NRXN2: variants seen among roughly 807,000 people sequenced by gnomAD.
NRXN2 encodes the protein neurexin 2.
In NRXN2, 29 loss-of-function variants were observed where a neutral mutation model predicts 128.8. The ratio of observed to expected loss-of-function variants is 0.23; its 90% CI spans 0.17 to 0.31. The LOEUF (loss-of-function observed/expected upper bound fraction) is 0.31. Ranked by LOEUF, NRXN2 falls within the 10% of genes least tolerant of loss-of-function variation. The pLI, the probability that NRXN2 is intolerant of heterozygous loss-of-function variation, is 1.00. For missense variants in NRXN2, 1,881 were observed against 2,452.6 expected, an observed-to-expected ratio of 0.77 and a Z score of 4.92; for synonymous variants, 1,098 against 1,075.2, an observed-to-expected ratio of 1.02 and a Z score of -0.41.
intron 7 of NRXN2, among the ~76,000 whole-genome samples, chr11:64,672,662 A>G (rs1035184404): frequency 7.2e-5 from 11 of 152,148 alleles, no homozygotes; most frequent in African/African-American, 2.7e-4. Context: ...AGTCTAGGGG[A>G]AAGGTCCTGG....
intron 11 of NRXN2, among the ~76,000 whole-genome samples, chr11:64,656,963 G>A (rs1287805649): frequency 1.3e-5 from 2 of 151,960 alleles, no homozygotes; most frequent in African/African-American, 2.4e-5. Flanking sequence ...AGCACTAAGC[G>A]ATCCCACCTA....
intron 17 of NRXN2, among the ~76,000 whole-genome samples, chr11:64,641,150 G>A (rs1389039255): frequency 6.6e-6 from 1 of 152,108 alleles, no homozygotes; most frequent in East Asian, 1.9e-4. Flanking sequence ...GACGGACATG[G>A]AAGGTGAAGA....
chr11:64,667,501 G>C lies in NRXN2; in HGVS notation c.1547C>G (p.Ser516Cys). ...GGTGGTGCGGAAGTCTAGGGAGATG[G>C]AGCCAGTGCGCTTAGCGCTCCAGCG... ...LPRWSAKRTG[S>C]ISLDFRTTEP... Residue 516 changes from serine to cysteine, a missense_variant, in exon 9 of 23, where the codon TCC becomes TGC. Ser to Cys is a moderately radical substitution (Grantham distance 112). Coordinates refer to ENST00000265459, the MANE Select transcript of NRXN2 (RefSeq NM_015080.4). This position sits in a 1 kb window ranked among gnomAD's most constrained non-coding sequence, Gnocchi z 5.6. 6.2e-7 allele frequency: 1 copy of C among 1,614,054 alleles called. No homozygotes were observed.
intron 5 of NRXN2, chr11:64,688,259 A>G: frequency 1.0e-6 from 1 of 984,064 alleles, no homozygotes; most frequent in South Asian, 4.7e-5. Context: ...GCTACTCTGG[A>G]GCCTGCGCCT....
chr11:64,702,498 T>C (rs1415515081), intron 2 of NRXN2, among the ~76,000 whole-genome samples: 1 of 151,914 alleles, frequency 6.6e-6, no homozygotes, highest in African/African-American at 2.4e-5. Flanking sequence ...TCGGTGACCT[T>C]ACCCCCAACC....
chr11:64,642,625 G>C (rs764036000), intron 17 of NRXN2: 17 of 1,609,526 alleles, frequency 1.1e-5, no homozygotes, highest in Non-Finnish European at 1.2e-5. Flanking sequence ...GACGTGGTGG[G>C]TGGTGCTGAG....
intron 2 of NRXN2, among the ~76,000 whole-genome samples, chr11:64,705,487 G>A (rs1041596318): frequency 1.3e-5 from 2 of 151,094 alleles, no homozygotes; most frequent in East Asian, 2.0e-4. Flanking sequence ...TGTTCCAATT[G>A]CTCCTTTGCT....
At chr11:64,613,854 C>A (rs1396327772) in intron 22 of NRXN2, among the ~76,000 whole-genome samples, 1 of 152,164 alleles carries the variant, frequency 6.6e-6, no homozygotes, top group African/African-American at 2.4e-5. Flanking sequence ...ATAAAACCCA[C>A]ATAATGCAGT....
chr11:64,643,849 G>C (rs2046219146), intron 17 of NRXN2, among the ~76,000 whole-genome samples: 2 of 152,014 alleles, frequency 1.3e-5, no homozygotes, highest in Non-Finnish European at 2.9e-5. Flanking sequence ...AGGCTAGCAA[G>C]AGAGGCCACT....
chr11:64,658,798 G>A (rs745593479), intron 11 of NRXN2, among the ~76,000 whole-genome samples: 3 of 151,972 alleles, frequency 2.0e-5, no homozygotes, highest in Non-Finnish European at 2.9e-5. Context: ...AGGCCGAGGC[G>A]GGTGGATCAC....
rs545068920 is a variant in NRXN2 at position 64,629,150 on chromosome 11, C to T, written c.3757+1252G>A. Reference sequence around the variant, plus strand: ...GCCTTTTGCCCCTGCCCCTCGCAGTCAGCATGGGGCAGCTTCTCTGCCTCA... The same window carrying T: ...GCCTTTTGCCCCTGCCCCTCGCAGTTAGCATGGGGCAGCTTCTCTGCCTCA... On this transcript the variant is annotated intron_variant, in intron 19 of 22. Transcript: ENST00000265459. 6.6e-5 allele frequency among the ~76,000 whole-genome samples: 10 copies of T among 152,328 alleles called. No homozygotes were observed. In the South Asian group the frequency reaches 2.1e-3, roughly 32 times the overall value.
chr11:64,666,493 C>A (rs186978108), intron 9 of NRXN2, among the ~76,000 whole-genome samples: 8 of 152,180 alleles, frequency 5.3e-5, no homozygotes, highest in Admixed American at 1.3e-4. Flanking sequence ...TGAGCCACAG[C>A]GCCCGGCCTA....
chr11:64,660,937 G>A lies in NRXN2; in HGVS notation c.2001C>T (p.Ser667=), dbSNP rs775777513. The change falls in exon 10 of 23, where the codon AGC becomes AGT. Residue 667 remains serine, a synonymous_variant. Transcript: ENST00000265459. This position sits in a 1 kb window ranked among gnomAD's most constrained non-coding sequence, Gnocchi z 5.2. ...CVRDLFIDGR[S]RDLRGLAEAQ... ...CCTCAGCCAGGCCCCGGAGGTCTCG[G>A]CTACGCCCATCTATGAAGAGGTCCC... The A allele has an allele frequency of 8.7e-6, 14 of 1,613,698 alleles. No homozygotes were observed. In the Admixed American group the frequency reaches 2.3e-4, roughly 27 times the overall value.
Position 64,607,083 on chromosome 11 carries a change from A to C in NRXN2, c.*113T>G. The C allele has an allele frequency of 8.7e-7, 1 of 1,149,868 alleles. No homozygotes were observed. The highest frequency in any genetic ancestry group is 1.2e-6 in the Non-Finnish European group (1 of 818,668). The allele number at this position is 1,149,868 out of a possible 1,614,324, so 71.2% of individuals were successfully genotyped here. ...TTTTGCGTTTCCTCTTCGTAAGAGA[A>C]GCCTGAGGCAGCCAGGGAGAGGGTC... On this transcript the variant is annotated 3_prime_UTR_variant, in exon 23 of 23. Coordinates refer to ENST00000265459, the MANE Select transcript of NRXN2 (RefSeq NM_015080.4).
rs570437842 is a variant in NRXN2 at position 64,676,730 on chromosome 11, G to A, written c.1197+263C>T. Reference sequence around the variant, plus strand: ...TCTGGCCAGGAATCTGAATTCAGGAGTTAGGGATTACAGCAGGGACAAGCC... The same window carrying A: ...TCTGGCCAGGAATCTGAATTCAGGAATTAGGGATTACAGCAGGGACAAGCC... On this transcript the variant is annotated intron_variant, in intron 7 of 22. Transcript: ENST00000265459. 66 of 568,502 alleles carry A rather than the reference G, an allele frequency of 1.2e-4. 2 individuals are homozygous for A. The South Asian group carries it at 1.4e-3, about 12-fold the overall frequency. The allele number at this position is 568,502 out of a possible 1,614,324, so 35.2% of individuals were successfully genotyped here.
chr11:64,689,181 G>A lies in NRXN2; in HGVS notation c.850+1224C>T, dbSNP rs148218826. On this transcript the variant is annotated intron_variant, in intron 5 of 22. Transcript: ENST00000265459. Reference sequence around the variant, plus strand: ...AGCATCCCACAAATAAACGACTCATGCCAGTTGGTAACTTTCTGCTAGTGT... The same window carrying A: ...AGCATCCCACAAATAAACGACTCATACCAGTTGGTAACTTTCTGCTAGTGT... 2.3e-3 allele frequency among the ~76,000 whole-genome samples: 354 copies of A among 152,064 alleles called. 2 individuals carry two copies. Among genetic ancestry groups the A allele is most frequent in the African/African-American group, 8.2e-3 (340 of 41,470 alleles).
At chr11:64,621,681 C>T (rs747167387) in intron 21 of NRXN2, among the ~76,000 whole-genome samples, 5 of 152,132 alleles carry the variant, frequency 3.3e-5, no homozygotes, top group Non-Finnish European at 5.9e-5. Flanking sequence ...TGCCCTCACC[C>T]TAGAAGGACA....
chr11:64,608,494 C>CTTT (rs58638827), intron 22 of NRXN2, among the ~76,000 whole-genome samples: 2 of 111,178 alleles, frequency 1.8e-5, no homozygotes, highest in East Asian at 4.9e-4. Flanking sequence ...TCTTTTTTTG[C>CTTT]TTTTTTTTTT....
chr11:64,622,957 C>T lies in NRXN2; in HGVS notation c.3969G>A (p.Leu1323=). ...GCACATTGGGGTCGCTCTCGGCGGC[C>T]AGCGCCAGCACCTTGAGCCCATTGT... ...LYYNGLKVLA[L]AAESDPNVRT... The change falls in exon 21 of 23, where the codon CTG becomes CTA. Residue 1323 remains leucine, a synonymous_variant. Coordinates refer to ENST00000265459, the MANE Select transcript of NRXN2 (RefSeq NM_015080.4). This position sits in a 1 kb window ranked among gnomAD's most constrained non-coding sequence, Gnocchi z 4.3. 6.2e-7 allele frequency: 1 copy of T among 1,613,412 alleles called. No homozygotes were observed. Among genetic ancestry groups the T allele is most frequent in the Non-Finnish European group, 8.5e-7 (1 of 1,179,818 alleles).
Sources: allele counts gnomAD v4.1 joint callset (sites outside exome capture counted in the v4.1 genomes callset), GRCh38; gene constraint gnomAD v4.1.1; non-coding constraint Gnocchi (gnomAD v3.1); transcripts MANE v1.5; gene names NCBI Gene and HGNC (gene_info 2026-07-23, HGNC 2026-07-21).